NKG7: variants seen among roughly 807,000 people sequenced by gnomAD.
NKG7 encodes the protein natural killer cell granule protein 7.
Under a neutral mutation model 14.7 loss-of-function variants are expected in NKG7, and 8 were observed. That is an observed-to-expected ratio of 0.54 (90% CI 0.32 to 0.98). The LOEUF (loss-of-function observed/expected upper bound fraction) is 0.98. NKG7 is among the 50% of genes least tolerant of loss of function. The pLI, the probability that NKG7 is intolerant of heterozygous loss-of-function variation, is 0.04. For synonymous variants in NKG7, 95 were observed against 90.7 expected (o/e 1.05, Z -0.27); for missense variants, 215 against 211.1 (o/e 1.02, Z -0.11).
Position 51,372,146 on chromosome 19 carries a change from G to A in NKG7, c.304+15C>T, listed in dbSNP as rs370975365. On this transcript the variant is annotated intron_variant, in intron 2 of 3. Transcript: ENST00000221978. This position sits in a 1 kb window ranked among gnomAD's most constrained non-coding sequence, Gnocchi z 4.8. Reference sequence around the variant, plus strand: ...CGCTGGCTCGCGATGCCCCAGTCCAGTCCAGAGTCCTTACCTGCAGCAAAG... The same window carrying A: ...CGCTGGCTCGCGATGCCCCAGTCCAATCCAGAGTCCTTACCTGCAGCAAAG... The A allele has an allele frequency of 1.0e-5, 16 of 1,598,542 alleles. No individual in the cohort carries two copies. The highest frequency in any genetic ancestry group is 8.9e-5 in the East Asian group (4 of 44,776).
chr19:51,371,675 G>C lies in NKG7; in HGVS notation c.*102C>G. The C allele has an allele frequency of 7.8e-7, 1 of 1,288,952 alleles. No homozygotes were observed. Among genetic ancestry groups the C allele is most frequent in the Non-Finnish European group, 1.1e-6 (1 of 937,920 alleles). The allele number at this position is 1,288,952 out of a possible 1,614,324, so 79.8% of individuals were successfully genotyped here. On this transcript the variant is annotated 3_prime_UTR_variant, in exon 4 of 4. Coordinates refer to ENST00000221978, the MANE Select transcript of NKG7 (RefSeq NM_005601.4). The surrounding 1 kb of genome is among the most constrained non-coding windows in gnomAD (Gnocchi z 4.2). ...AAACAAGAGGAGGGGCTGGGGAAGG[G>C]CTGGAAGGGCGGGCAGATGTGGGAC... is the stretch of plus-strand genomic sequence containing the variant.
rs148663857 is a variant in NKG7 at position 51,372,327 on chromosome 19, T to G, written c.158-20A>C. 1 of 1,612,214 alleles carries G rather than the reference T, an allele frequency of 6.2e-7. No individual in the cohort carries two copies. The highest frequency in any genetic ancestry group is 2.2e-5 in the East Asian group (1 of 44,838). On this transcript the variant is annotated intron_variant, in intron 1 of 3. Transcript: ENST00000221978. This position sits in a 1 kb window ranked among gnomAD's most constrained non-coding sequence, Gnocchi z 4.8. ...TGTAGCCTGATCGGGAGAAGACCAC[T>G]GAGCACCCATCCCCGCTGGCAACCC...
Position 51,371,784 on chromosome 19 carries a change from G to A in NKG7, c.491C>T (p.Thr164Ile), listed in dbSNP as rs148209449. The A allele has an allele frequency of 5.9e-5, 95 of 1,612,834 alleles. No homozygotes were observed. In the African/African-American group the frequency reaches 1.2e-3, roughly 20 times the overall value. Residue 164 changes from threonine to isoleucine, a missense_variant, in exon 4 of 4, where the codon ACC (threonine) becomes ATC (isoleucine). Coordinates refer to ENST00000221978, the MANE Select transcript of NKG7 (RefSeq NM_005601.4). The surrounding 1 kb of genome is among the most constrained non-coding windows in gnomAD (Gnocchi z 4.2). ...HCGGPRPGYE[T>I]L ...GCCGCTCTTGCCTTCTGCTCACAAG[G>A]TTTCATAGCCAGGACGGGGACCGCC... is the stretch of plus-strand genomic sequence containing the variant.
At position 51,372,103 on chromosome 19, in the gene NKG7, A is replaced by T; in HGVS notation, c.305-29T>A. 1 of 1,596,762 alleles carries T rather than the reference A, an allele frequency of 6.3e-7. No homozygotes were observed. The highest frequency in any genetic ancestry group is 2.2e-5 in the East Asian group (1 of 44,612). On this transcript the variant is annotated intron_variant, in intron 2 of 3. Coordinates refer to ENST00000221978, the MANE Select transcript of NKG7 (RefSeq NM_005601.4). This position sits in a 1 kb window ranked among gnomAD's most constrained non-coding sequence, Gnocchi z 4.8. ...GGGACAAGGACAAGAGAGATGGCTC[A>T]GCTCCTCGGCAGGAATTCGCTGGCT...
In NKG7 at chr19:51,372,651, A is replaced by G; in HGVS notation, c.-116T>C. ...GACTCCTGGGTCCTTAGAGCCCAAGAAAGAGAGAACAGCAAGCAGTTGGGG... is the reference window on the plus strand; with the variant it reads ...GACTCCTGGGTCCTTAGAGCCCAAGGAAGAGAGAACAGCAAGCAGTTGGGG... On this transcript the variant is annotated 5_prime_UTR_variant, in exon 1 of 4. Transcript: ENST00000221978. The surrounding 1 kb of genome is among the most constrained non-coding windows in gnomAD (Gnocchi z 4.8). The G allele has an allele frequency of 7.8e-7, 1 of 1,288,470 alleles. No individual in the cohort carries two copies. The highest frequency in any genetic ancestry group is 1.0e-6 in the Non-Finnish European group (1 of 956,688). 79.8% of individuals were successfully genotyped at this position (1,288,470 alleles called of 1,614,324 possible). A position where few individuals can be genotyped will look rare whatever the true frequency, so the allele number is the denominator to read the frequency against.
rs1310000362 is a variant in NKG7, at chr19:51,372,183, T to C, written c.282A>G (p.Ser94=). ...TACCTGCAGCAAAGGCTGCGGTGGT[T>C]GAGACAAGCGGGCCGTGGCCTGGGG... ...LFPPGHGPLV[S]TTAAFAAAIS... The change falls in exon 2 of 4, where the codon TCA becomes TCG. Residue 94 remains serine (S), a synonymous_variant. Coordinates refer to ENST00000221978, the MANE Select transcript of NKG7 (RefSeq NM_005601.4). The surrounding 1 kb of genome is among the most constrained non-coding windows in gnomAD (Gnocchi z 4.8). The C allele has an allele frequency of 6.2e-7, 1 of 1,609,948 alleles. No individual in the cohort carries two copies. The highest frequency in any genetic ancestry group is 1.7e-5 in the Admixed American group (1 of 59,672).
In NKG7 at chr19:51,372,571, G is replaced by A; in HGVS notation, c.-36C>T. 3 of 1,607,752 alleles carry A rather than the reference G, an allele frequency of 1.9e-6. No homozygotes were observed. Among genetic ancestry groups the A allele is most frequent in the Non-Finnish European group, 1.7e-6 (2 of 1,177,518 alleles). On this transcript the variant is annotated 5_prime_UTR_variant, in exon 1 of 4. Coordinates refer to ENST00000221978, the MANE Select transcript of NKG7 (RefSeq NM_005601.4). The surrounding 1 kb of genome is among the most constrained non-coding windows in gnomAD (Gnocchi z 4.8). ...TCAGGGCTTCTGGGTCCTGGAGGAG[G>A]AAGAGGCTGCTGATCAGACTCTTGA...
At position 51,371,716 on chromosome 19, in the gene NKG7, C is replaced by T; in HGVS notation, c.*61G>A. ...GATGTGGGACCAGACTTTCCCGAGG[C>T]TCCAGATGAGGCCTTTGGAATACAA... is the stretch of plus-strand genomic sequence containing the variant. On this transcript the variant is annotated 3_prime_UTR_variant, in exon 4 of 4. Transcript: ENST00000221978. The surrounding 1 kb of genome is among the most constrained non-coding windows in gnomAD (Gnocchi z 4.2). The T allele has an allele frequency of 6.5e-7, 1 of 1,536,820 alleles. No individual in the cohort carries two copies. The highest frequency in any genetic ancestry group is 1.2e-5 in the South Asian group (1 of 82,202).
Position 51,372,374 on chromosome 19 carries a change from C to T in NKG7, c.157+5G>A. Reference sequence around the variant, plus strand: ...ACCCCTCTGTAGGACACCCATTCCCCTTACCTGATATGATGTCCCCATGCC... The same window carrying T: ...ACCCCTCTGTAGGACACCCATTCCCTTTACCTGATATGATGTCCCCATGCC... On this transcript the variant is annotated splice_donor_5th_base_variant and intron_variant, in intron 1 of 3. Transcript: ENST00000221978. This position sits in a 1 kb window ranked among gnomAD's most constrained non-coding sequence, Gnocchi z 4.8. The T allele has an allele frequency of 6.2e-7, 1 of 1,614,164 alleles. No individual in the cohort carries two copies. The highest frequency in any genetic ancestry group is 8.5e-7 in the Non-Finnish European group (1 of 1,180,000).
rs138399909 is a variant in NKG7, at chr19:51,371,807, G to A, written c.468C>T (p.Gly156=). The change falls in exon 4 of 4, where the codon GGC becomes GGT. Residue 156 remains glycine, a synonymous_variant. Coordinates refer to ENST00000221978, the MANE Select transcript of NKG7 (RefSeq NM_005601.4). This position sits in a 1 kb window ranked among gnomAD's most constrained non-coding sequence, Gnocchi z 4.2. ...TGALSLGAHC[G]GPRPGYETL ...AGGTTTCATAGCCAGGACGGGGACC[G>A]CCACAGTGAGCACCCAGGCTCAGGG... The A allele has an allele frequency of 3.6e-4, 573 of 1,613,108 alleles. 10 individuals are homozygous for A. In the East Asian group the frequency reaches 0.01, roughly 29 times the overall value.
Position 51,372,289 on chromosome 19 carries a change from T to C in NKG7, c.176A>G (p.Gln59Arg). Residue 59 changes from glutamine (Q) to arginine (R), a missense_variant, in exon 2 of 4, where the codon CAG becomes CGG. Coordinates refer to ENST00000221978, the MANE Select transcript of NKG7 (RefSeq NM_005601.4). The surrounding 1 kb of genome is among the most constrained non-coding windows in gnomAD (Gnocchi z 4.8). ...CAGAACAGCCATAATGCTGAAGGTC[T>C]GCGTCACGTGGATGTAGCCTGATCG... is the stretch of plus-strand genomic sequence containing the variant. ...DIISGYIHVT[Q>R]TFSIMAVLWA... is the part of the protein sequence containing the mutation. The C allele has an allele frequency of 6.2e-7, 1 of 1,612,684 alleles. No individual in the cohort carries two copies. The highest frequency in any genetic ancestry group is 8.5e-7 in the Non-Finnish European group (1 of 1,179,188).
At position 51,372,524 on chromosome 19, in the gene NKG7, G is replaced by T; in HGVS notation, c.12C>A (p.Cys4Ter). The T allele has an allele frequency of 1.2e-6, 2 of 1,613,908 alleles. No individual in the cohort carries two copies. Among genetic ancestry groups the T allele is most frequent in the South Asian group, 2.2e-5 (2 of 91,076 alleles). ...AGCCCCCCAGCAGGGCCAGGGACCGGCAGAGCTCCATGGGGATAAGCTCAG... is the reference window on the plus strand; with the variant it reads ...AGCCCCCCAGCAGGGCCAGGGACCGTCAGAGCTCCATGGGGATAAGCTCAG... MEL[C>*]RSLALLGGSL... The change falls in exon 1 of 4, where the codon TGC (cysteine) becomes TGA (stop). Residue 4 changes from cysteine (C) to a stop codon, truncating the protein, a stop_gained. Coordinates refer to ENST00000221978, the MANE Select transcript of NKG7 (RefSeq NM_005601.4). LOFTEE classifies it high-confidence loss of function. This position sits in a 1 kb window ranked among gnomAD's most constrained non-coding sequence, Gnocchi z 4.8.
chr19:51,371,729 C>T lies in NKG7; in HGVS notation c.*48G>A, dbSNP rs1305197437. ...ACTTTCCCGAGGCTCCAGATGAGGC[C>T]TTTGGAATACAACGCTCAAAACTCA... On this transcript the variant is annotated 3_prime_UTR_variant, in exon 4 of 4. Transcript: ENST00000221978. The surrounding 1 kb of genome is among the most constrained non-coding windows in gnomAD (Gnocchi z 4.2). 5 of 1,575,486 alleles carry T rather than the reference C, an allele frequency of 3.2e-6. No individual in the cohort carries two copies. The South Asian group carries it at 5.8e-5, about 18-fold the overall frequency.
rs928102809 is a variant in NKG7, at chr19:51,372,643, A to G, written c.-108T>C. On this transcript the variant is annotated 5_prime_UTR_variant, in exon 1 of 4. Coordinates refer to ENST00000221978, the MANE Select transcript of NKG7 (RefSeq NM_005601.4). The surrounding 1 kb of genome is among the most constrained non-coding windows in gnomAD (Gnocchi z 4.8). The stretch of plus-strand genomic sequence containing the variant: ...TGCACCCAGACTCCTGGGTCCTTAG[A>G]GCCCAAGAAAGAGAGAACAGCAAGC... 9 of 1,321,198 alleles carry G rather than the reference A, an allele frequency of 6.8e-6. No individual in the cohort carries two copies. Among genetic ancestry groups the G allele is most frequent in the Non-Finnish European group, 7.1e-6 (7 of 983,840 alleles). The allele number at this position is 1,321,198 out of a possible 1,614,324, so 81.8% of individuals were successfully genotyped here.
At position 51,371,678 on chromosome 19, in the gene NKG7, G is replaced by T; in HGVS notation, c.*99C>A. 7.5e-7 allele frequency: 1 copy of T among 1,328,592 alleles called. No homozygotes were observed. Among genetic ancestry groups the T allele is most frequent in the African/African-American group, 1.5e-5 (1 of 67,682 alleles). 82.3% of individuals were successfully genotyped at this position (1,328,592 alleles called of 1,614,324 possible). A position where few individuals can be genotyped will look rare whatever the true frequency, so the allele number is the denominator to read the frequency against. ...CAAGAGGAGGGGCTGGGGAAGGGCT[G>T]GAAGGGCGGGCAGATGTGGGACCAG... On this transcript the variant is annotated 3_prime_UTR_variant, in exon 4 of 4. Transcript: ENST00000221978. The surrounding 1 kb of genome is among the most constrained non-coding windows in gnomAD (Gnocchi z 4.2).
chr19:51,371,874 C>G lies in NKG7; in HGVS notation c.440-39G>C, dbSNP rs771983481. ...AAGAGTTTAAGCACTTGCCCCTGCC[C>G]TCTGTCCTCAGGGACCCCAACTGGA... is the stretch of plus-strand genomic sequence containing the variant. On this transcript the variant is annotated intron_variant, in intron 3 of 3. Transcript: ENST00000221978. The surrounding 1 kb of genome is among the most constrained non-coding windows in gnomAD (Gnocchi z 4.2). The G allele has an allele frequency of 6.2e-6, 10 of 1,606,414 alleles. No homozygotes were observed. In the African/African-American group the frequency reaches 1.3e-4, roughly 21 times the overall value.
Position 51,371,803 on chromosome 19 carries a change from GACCGCCACAGTGAGC to G in NKG7, c.457_471del (p.Ala153_Gly157del). 1 of 1,613,308 alleles carries G rather than the reference GACCGCCACAGTGAGC, an allele frequency of 6.2e-7. No individual in the cohort carries two copies. Among genetic ancestry groups the G allele is most frequent in the East Asian group, 2.2e-5 (1 of 44,870 alleles). ...CACAAGGTTTCATAGCCAGGACGGG[GACCGCCACAGTGAGC>G]ACCCAGGCTCAGGGCACCTGGGGAG... On this transcript the variant is annotated inframe_deletion, in exon 4 of 4. Transcript: ENST00000221978. The surrounding 1 kb of genome is among the most constrained non-coding windows in gnomAD (Gnocchi z 4.2).
chr19:51,372,186 G>C lies in NKG7; in HGVS notation c.279C>G (p.Val93=). 1 of 1,610,724 alleles carries C rather than the reference G, an allele frequency of 6.2e-7. No homozygotes were observed. Among genetic ancestry groups the C allele is most frequent in the South Asian group, 1.1e-5 (1 of 90,456 alleles). ...SLFPPGHGPL[V]STTAAFAAAI... Reference sequence around the variant, plus strand: ...CTGCAGCAAAGGCTGCGGTGGTTGAGACAAGCGGGCCGTGGCCTGGGGGGA... The same window carrying C: ...CTGCAGCAAAGGCTGCGGTGGTTGACACAAGCGGGCCGTGGCCTGGGGGGA... The change falls in exon 2 of 4, where the codon GTC becomes GTG. Residue 93 remains valine (V), a synonymous_variant. Transcript: ENST00000221978. This position sits in a 1 kb window ranked among gnomAD's most constrained non-coding sequence, Gnocchi z 4.8.
rs1986690597 is a variant in NKG7 at position 51,372,363 on chromosome 19, C to T, written c.157+16G>A. ...CCCCGCTGGCAACCCCTCTGTAGGA[C>T]ACCCATTCCCCTTACCTGATATGAT... On this transcript the variant is annotated intron_variant, in intron 1 of 3. Transcript: ENST00000221978. The surrounding 1 kb of genome is among the most constrained non-coding windows in gnomAD (Gnocchi z 4.8). The T allele has an allele frequency of 6.2e-7, 1 of 1,613,878 alleles. No individual in the cohort carries two copies. Among genetic ancestry groups the T allele is most frequent in the Non-Finnish European group, 8.5e-7 (1 of 1,179,816 alleles).
Sources: gnomAD v4.1 joint callset for allele counts on GRCh38, gnomAD v4.1.1 for gene constraint, Gnocchi (gnomAD v3.1) non-coding constraint, MANE v1.5 for transcripts, NCBI Gene and HGNC (gene_info 2026-07-23, HGNC 2026-07-21) for gene names.